Variants in RNF220 observed in about 807,000 individuals in gnomAD.
The protein encoded by RNF220 is E3 ubiquitin-protein ligase RNF220.
In RNF220, 7 loss-of-function variants were observed where a neutral mutation model predicts 67.1. The ratio of observed to expected loss-of-function variants is 0.10; its 90% CI spans 0.06 to 0.20. RNF220 has a LOEUF of 0.20. RNF220 is among the 10% of genes least tolerant of loss of function. The pLI, the probability that RNF220 is intolerant of heterozygous loss-of-function variation, is 1.00. For missense variants in RNF220, 565 were observed against 740.3 expected, an observed-to-expected ratio of 0.76 and a Z score of 2.75; for synonymous variants, 270 against 283.2, an observed-to-expected ratio of 0.95 and a Z score of 0.47.
chr1:44,485,463 A>G (rs1368342100), intron 2 of RNF220, among the ~76,000 whole-genome samples: 2 of 152,178 alleles, frequency 1.3e-5, no homozygotes, highest in Non-Finnish European at 2.9e-5. Flanking sequence ...AATTTTTCCA[A>G]CATCATTTTG....
chr1:44,576,537 G>A (rs1664815640), intron 2 of RNF220, among the ~76,000 whole-genome samples: 1 of 152,084 alleles, frequency 6.6e-6, no homozygotes, highest in Non-Finnish European at 1.5e-5. Context: ...GGAGCCCTGG[G>A]CAAGGAGAAG....
intron 3 of RNF220, among the ~76,000 whole-genome samples, chr1:44,616,255 C>T (rs549143108): frequency 1.3e-5 from 2 of 152,262 alleles, no homozygotes; most frequent in South Asian, 4.1e-4. Context: ...AGCTCATTCT[C>T]AAGGGAGAAG....
intron 2 of RNF220, among the ~76,000 whole-genome samples, chr1:44,586,707 C>T (rs1665724510): frequency 6.6e-6 from 1 of 152,150 alleles, no homozygotes; most frequent in Non-Finnish European, 1.5e-5. Context: ...ACGTAGAAGA[C>T]AGAGGAGAAA....
intron 2 of RNF220, among the ~76,000 whole-genome samples, chr1:44,422,696 G>A (rs1055897367): frequency 3.3e-5 from 5 of 152,184 alleles, no homozygotes; most frequent in Non-Finnish European, 4.4e-5. Context: ...TAGCTCTCAG[G>A]CTCTTGAGGA....
In RNF220 at chr1:44,417,381, T is replaced by C. The variant is rs113444071; in HGVS notation, c.625+4659T>C. Among the ~76,000 whole-genome samples the C allele has an allele frequency of 2.0e-3, 309 of 151,418 alleles. No homozygotes were observed. Among genetic ancestry groups the C allele is most frequent in the African/African-American group, 7.2e-3 (300 of 41,508 alleles). ...TAATTGTCTTGTTGGGATAAAGAAA[T>C]GTTTGCACAGCTAAAGTGGGGCCAG... On this transcript the variant is annotated intron_variant, in intron 2 of 14. Transcript: ENST00000361799. This position sits in a 1 kb window ranked among gnomAD's most constrained non-coding sequence, Gnocchi z 4.0.
intron 2 of RNF220, among the ~76,000 whole-genome samples, chr1:44,523,762 A>G (rs1049639666): frequency 6.6e-6 from 1 of 152,126 alleles, no homozygotes; most frequent in African/African-American, 2.4e-5. Flanking sequence ...GCTATCCCCC[A>G]GGGCCCAAGA....
In RNF220 at chr1:44,406,656, C is replaced by G. The variant is rs1047560673; in HGVS notation, c.-118+1126C>G. On this transcript the variant is annotated intron_variant, in intron 1 of 14. Transcript: ENST00000361799. Reference sequence around the variant, plus strand: ...TCTGCCCGGAACCCAGCCCCGCCACCGCACTCCGGAGCCTCCGGCCTCCCC... The same window carrying G: ...TCTGCCCGGAACCCAGCCCCGCCACGGCACTCCGGAGCCTCCGGCCTCCCC... Among the ~76,000 whole-genome samples the G allele has an allele frequency of 1.1e-4, 16 of 152,338 alleles. No homozygotes were observed. The South Asian group carries it at 2.5e-3, about 24-fold the overall frequency.
Position 44,412,332 on chromosome 1 carries a change from G to A in RNF220, c.235G>A (p.Val79Met). 1 of 1,614,168 alleles carries A rather than the reference G, an allele frequency of 6.2e-7. No homozygotes were observed. The highest frequency in any genetic ancestry group is 2.2e-5 in the East Asian group (1 of 44,876). The change falls in exon 2 of 15, where the codon GTG (valine) becomes ATG (methionine). Residue 79 changes from valine to methionine, a missense_variant. By Grantham distance (21) the Val-to-Met change is conservative. Transcript: ENST00000361799. The surrounding 1 kb of genome is among the most constrained non-coding windows in gnomAD (Gnocchi z 5.3). Reference sequence around the variant, plus strand: ...CTCTATGTACCATCGGCAAGGTGGGGTGCCAGGCACTTTTGCCAATCGTGA... The same window carrying A: ...CTCTATGTACCATCGGCAAGGTGGGATGCCAGGCACTTTTGCCAATCGTGA... ...FASMYHRQGGVPGTFANRDFP... is the reference protein window; with the variant it reads ...FASMYHRQGGMPGTFANRDFP...
chr1:44,554,777 C>T (rs1470600787), intron 2 of RNF220, among the ~76,000 whole-genome samples: 1 of 152,040 alleles, frequency 6.6e-6, no homozygotes, highest in Non-Finnish European at 1.5e-5. Context: ...AGGCAACGGC[C>T]CTCCCAGCTC....
intron 2 of RNF220, among the ~76,000 whole-genome samples, chr1:44,477,284 ATAGTCC>A (rs1655383573): frequency 6.6e-6 from 1 of 152,246 alleles, no homozygotes; most frequent in Non-Finnish European, 1.5e-5. Flanking sequence ...TGTAAGGCTT[ATAGTCC>A]AGTGGGGAAA....
chr1:44,423,040 C>T (rs773781548), intron 2 of RNF220, among the ~76,000 whole-genome samples: 88 of 152,298 alleles, frequency 5.8e-4, no homozygotes, highest in Non-Finnish European at 1.2e-3. Flanking sequence ...ATTATAGCCC[C>T]TGCCTTACTG....
At position 44,645,342 on chromosome 1, in the gene RNF220, T is replaced by C; in HGVS notation, c.1366+66T>C. On this transcript the variant is annotated intron_variant, in intron 11 of 14. Transcript: ENST00000361799. The surrounding 1 kb of genome is among the most constrained non-coding windows in gnomAD (Gnocchi z 5.0). ...GTATCCCTAGATGGTGGTGACTGAC[T>C]CAAGCCCAACCCCTCACCTGTGCTG... The C allele has an allele frequency of 1.9e-6, 3 of 1,613,306 alleles. No individual in the cohort carries two copies. Among genetic ancestry groups the C allele is most frequent in the Non-Finnish European group, 2.5e-6 (3 of 1,179,314 alleles).
In RNF220 at chr1:44,554,727, A is replaced by C. The variant is rs1045349790; in HGVS notation, c.626-59438A>C. Among the ~76,000 whole-genome samples the C allele has an allele frequency of 2.0e-5, 3 of 152,250 alleles. No individual in the cohort carries two copies. The South Asian group carries it at 6.2e-4, about 32-fold the overall frequency. ...CTTGCATGCAGCCAGGTGGGGAGCC[A>C]GTCTGAGTTCCAGCTGGAATTTCAT... On this transcript the variant is annotated intron_variant, in intron 2 of 14. Transcript: ENST00000361799.
chr1:44,503,913 A>C (rs1021950579), intron 2 of RNF220, among the ~76,000 whole-genome samples: 4 of 151,870 alleles, frequency 2.6e-5, no homozygotes, highest in Admixed American at 2.6e-4. Flanking sequence ...GCAGTGGCAC[A>C]GTCTCGGCTC....
chr1:44,488,896 A>G (rs1656601542), intron 2 of RNF220, among the ~76,000 whole-genome samples: 1 of 151,758 alleles, frequency 6.6e-6, no homozygotes, highest in Non-Finnish European at 1.5e-5. Flanking sequence ...CACCCAGCTA[A>G]GTTTTCCTAT....
intron 2 of RNF220, among the ~76,000 whole-genome samples, chr1:44,496,100 C>T (rs139515698): frequency 7.2e-5 from 11 of 152,242 alleles, no homozygotes; most frequent in Admixed American, 3.9e-4. Context: ...TAGAAGGAGC[C>T]GTGTAGCTGC....
At position 44,626,350 on chromosome 1, in the gene RNF220, A is replaced by ACCC. The variant is rs1557452145; in HGVS notation, c.860_862dup (p.Pro287dup). The ACCC allele has an allele frequency of 1.2e-6, 2 of 1,613,416 alleles. No homozygotes were observed. Among genetic ancestry groups the ACCC allele is most frequent in the Non-Finnish European group, 1.7e-6 (2 of 1,179,776 alleles). On this transcript the variant is annotated inframe_insertion, in exon 5 of 15. Transcript: ENST00000361799. ...GGGAAGGAGAGTCTCCAACGGCATC[A>ACCC]CCCCACTCATCTGCCACCGATGACC...
rs200955243 is a variant in RNF220, at chr1:44,649,649, T to G, written c.1446-12T>G. 51 of 1,613,504 alleles carry G rather than the reference T, an allele frequency of 3.2e-5. No homozygotes were observed. The African/African-American group carries it at 5.3e-4, about 17-fold the overall frequency. On this transcript the variant is annotated splice_polypyrimidine_tract_variant and intron_variant, in intron 12 of 14. Transcript: ENST00000361799. The surrounding 1 kb of genome is among the most constrained non-coding windows in gnomAD (Gnocchi z 5.9). ...GCCAGCCTGCTACCCAACCATGCCTTCCTTTTTACAGAATCACCGAAGATT... is the reference window on the plus strand; with the variant it reads ...GCCAGCCTGCTACCCAACCATGCCTGCCTTTTTACAGAATCACCGAAGATT...
chr1:44,577,356 T>G (rs939656958), intron 2 of RNF220, among the ~76,000 whole-genome samples: 1 of 148,146 alleles, frequency 6.8e-6, no homozygotes, highest in Non-Finnish European at 1.5e-5. Flanking sequence ...CTGCCACCTC[T>G]CCTCCCAGCT....
Sources: gnomAD v4.1 joint callset for allele counts (sites outside exome capture counted in the v4.1 genomes callset) on GRCh38, gnomAD v4.1.1 for gene constraint, Gnocchi (gnomAD v3.1) non-coding constraint, MANE v1.5 for transcripts, NCBI Gene and HGNC (gene_info 2026-07-23, HGNC 2026-07-21) for gene names.